The following RBKS variants were observed in gnomAD, a reference collection of about 807,000 sequenced individuals.
RBKS encodes ribokinase.
Under a neutral mutation model 33.9 loss-of-function variants are expected in RBKS, and 33 were observed. That is an observed-to-expected ratio of 0.97 (90% CI 0.74 to 1.30). The LOEUF (loss-of-function observed/expected upper bound fraction) is 1.30, where lower values mean the gene tolerates loss of function less well. Ranked by LOEUF, RBKS falls within the 50% of genes most tolerant of loss-of-function variation. The probability of loss-of-function intolerance (pLI) is 0.00; values close to 1 mark genes in which losing one functional copy is unlikely to be tolerated. For missense variants in RBKS, 361 were observed against 392.6 expected (o/e 0.92, Z 0.68); for synonymous variants, 125 against 143.0 (o/e 0.87, Z 0.90).
rs1356494574 is a variant in RBKS at position 27,837,461 on chromosome 2, C to T, written c.515-4684G>A. On this transcript the variant is annotated intron_variant, in intron 5 of 7. Transcript: ENST00000302188. This position sits in a 1 kb window ranked among gnomAD's most constrained non-coding sequence, Gnocchi z 4.0. The stretch of plus-strand genomic sequence containing the variant: ...AAAATAGACCTACCATTTGACCCAG[C>T]AATCCTATGCCTGGTACACACCCAA... 6.6e-6 allele frequency among the ~76,000 whole-genome samples: 1 copy of T among 152,138 alleles called. No homozygotes were observed. The highest frequency in any genetic ancestry group is 2.4e-5 in the African/African-American group (1 of 41,414).
intron 7 of RBKS, among the ~76,000 whole-genome samples, chr2:27,790,548 T>G (rs1677503819): frequency 6.6e-6 from 1 of 152,166 alleles, no homozygotes; most frequent in Admixed American, 6.6e-5. Flanking sequence ...AGTAAAGTAC[T>G]GTTATAACTC....
At chr2:27,855,506 A>G (rs1313519040) in intron 2 of RBKS, among the ~76,000 whole-genome samples, 4 of 152,226 alleles carry the variant, frequency 2.6e-5, no homozygotes, top group Admixed American at 6.5e-5. Flanking sequence ...TTTGGCTTCA[A>G]TGGAATGGAG....
rs112593610 is a variant in RBKS, at chr2:27,789,868, A to ATGTGTG, written c.796-8086_796-8081dup. On this transcript the variant is annotated intron_variant, in intron 7 of 7. Transcript: ENST00000302188. ...GTGAACCACCATGCCTGGCCAGCTG[A>ATGTGTG]TGTGTGTGTGTGTGTGTGTGTGTGT... 7.7e-3 allele frequency among the ~76,000 whole-genome samples: 1,009 copies of ATGTGTG among 131,096 alleles called. 10 individuals are homozygous for ATGTGTG. Among genetic ancestry groups the ATGTGTG allele is most frequent in the African/African-American group, 0.027 (964 of 35,176 alleles). The allele number at this position is 131,096 out of a possible 152,430, so 86.0% of individuals were successfully genotyped here.
chr2:27,878,524 A>G (rs1373170634), intron 1 of RBKS, among the ~76,000 whole-genome samples: 6 of 152,204 alleles, frequency 3.9e-5, no homozygotes, highest in Admixed American at 3.9e-4. Context: ...AGCATGATTT[A>G]TAGTCCTTTG....
At chr2:27,813,887 A>G (rs1678039278) in intron 7 of RBKS, among the ~76,000 whole-genome samples, 1 of 152,224 alleles carries the variant, frequency 6.6e-6, no homozygotes, top group Admixed American at 6.5e-5. Context: ...AGAACGAGAC[A>G]TTTTAATAAG....
rs550510251 is a variant in RBKS, at chr2:27,789,269, G to T, written c.796-7481C>A. Among the ~76,000 whole-genome samples the T allele has an allele frequency of 6.0e-5, 9 of 150,898 alleles. No homozygotes were observed. The East Asian group carries it at 1.6e-3, about 26-fold the overall frequency. ...TTTTGGATTTCAGATCTTTTTTTTTGGATTTTTGGAATATTTGCATTATAC... is the reference window on the plus strand; with the variant it reads ...TTTTGGATTTCAGATCTTTTTTTTTTGATTTTTGGAATATTTGCATTATAC... On this transcript the variant is annotated intron_variant, in intron 7 of 7. Transcript: ENST00000302188.
intron 7 of RBKS, among the ~76,000 whole-genome samples, chr2:27,798,465 A>G (rs1677703240): frequency 6.6e-6 from 1 of 151,926 alleles, no homozygotes; most frequent in African/African-American, 2.4e-5. Flanking sequence ...CTTCCCATAT[A>G]CTTCATCAAT....
intron 6 of RBKS, among the ~76,000 whole-genome samples, chr2:27,827,986 A>G (rs564847234): frequency 2.6e-5 from 4 of 152,364 alleles, no homozygotes; most frequent in Admixed American, 2.6e-4. Flanking sequence ...TGGCTTGGAT[A>G]TTAGATGATA....
chr2:27,858,690 A>G (rs1207554362), intron 1 of RBKS, 119 bp from the exon 2 acceptor site: 8 of 844,156 alleles, frequency 9.5e-6, no homozygotes, highest in Non-Finnish European at 1.3e-5. Flanking sequence ...AATTAGAACT[A>G]TAAGCAGAAG....
intron 5 of RBKS, among the ~76,000 whole-genome samples, chr2:27,836,177 T>C (rs1678516031): frequency 6.6e-6 from 1 of 152,200 alleles, no homozygotes. Context: ...ATCATGCCAC[T>C]GCACTCCAGC....
intron 7 of RBKS, among the ~76,000 whole-genome samples, chr2:27,807,609 C>T (rs945559211): frequency 1.3e-5 from 2 of 152,090 alleles, no homozygotes; most frequent in African/African-American, 4.8e-5. Context: ...TGGGCTCAAG[C>T]GATCCTCTTG....
chr2:27,870,397 T>G (rs552780010), intron 1 of RBKS: 1 of 171,050 alleles, frequency 5.8e-6, no homozygotes, highest in East Asian at 1.5e-4. Context: ...CACTGAAATG[T>G]GCTGCCAGTG....
At chr2:27,888,873 C>G (rs1355308521) in intron 1 of RBKS, among the ~76,000 whole-genome samples, 2 of 152,174 alleles carry the variant, frequency 1.3e-5, no homozygotes, top group South Asian at 4.1e-4. Flanking sequence ...AGTTTACTTA[C>G]TCTTGCTCTA....
chr2:27,882,383 T>C (rs1323111493), intron 1 of RBKS, among the ~76,000 whole-genome samples: 1 of 152,186 alleles, frequency 6.6e-6, no homozygotes, highest in African/African-American at 2.4e-5. Context: ...TGAGATACCA[T>C]CTCATACCAG....
At position 27,781,600 on chromosome 2, in the gene RBKS, T is replaced by C; in HGVS notation, c.*15A>G. On this transcript the variant is annotated 3_prime_UTR_variant, in exon 8 of 8. Transcript: ENST00000302188. ...ATTTTATTCCCAGGTATATTTATTTTGGGACTAATAGCAATCAAAACAGAG... is the reference window on the plus strand; with the variant it reads ...ATTTTATTCCCAGGTATATTTATTTCGGGACTAATAGCAATCAAAACAGAG... The C allele has an allele frequency of 1.9e-6, 3 of 1,586,746 alleles. No individual in the cohort carries two copies. The highest frequency in any genetic ancestry group is 2.7e-5 in the African/African-American group (2 of 73,934).
intron 7 of RBKS, among the ~76,000 whole-genome samples, chr2:27,818,867 C>T (rs935256068): frequency 1.3e-5 from 2 of 152,152 alleles, no homozygotes; most frequent in Non-Finnish European, 1.5e-5. Flanking sequence ...AAAGCAGCAC[C>T]GCTAGTTAAT....
At chr2:27,794,529 C>T (rs1345699498) in intron 7 of RBKS, among the ~76,000 whole-genome samples, 2 of 151,722 alleles carry the variant, frequency 1.3e-5, no homozygotes. Context: ...GGAATACCCA[C>T]CTCATTGAGG....
rs1264396183 is a variant in RBKS, at chr2:27,795,600, T to C, written c.796-13812A>G. On this transcript the variant is annotated intron_variant, in intron 7 of 7. Transcript: ENST00000302188. The surrounding 1 kb of genome is among the most constrained non-coding windows in gnomAD (Gnocchi z 4.1). ...CACTGACCCTGCACTCCCCCGCCAC[T>C]GAAACTTGAGGGAATTGAGTCTCAG... 1.3e-5 allele frequency among the ~76,000 whole-genome samples: 2 copies of C among 152,114 alleles called. No individual in the cohort carries two copies. The highest frequency in any genetic ancestry group is 2.9e-5 in the Non-Finnish European group (2 of 68,024).
intron 7 of RBKS, among the ~76,000 whole-genome samples, chr2:27,791,028 T>C (rs1411865790): frequency 6.6e-6 from 1 of 152,186 alleles, no homozygotes; most frequent in Non-Finnish European, 1.5e-5. Flanking sequence ...CCAGATGTTG[T>C]AGAACTGAAG....
Sources: gnomAD v4.1 joint callset for allele counts (sites outside exome capture counted in the v4.1 genomes callset) on GRCh38, gnomAD v4.1.1 for gene constraint, Gnocchi (gnomAD v3.1) non-coding constraint, MANE v1.5 for transcripts, NCBI Gene and HGNC (gene_info 2026-07-23, HGNC 2026-07-21) for gene names.